SRD5A2: variants seen among roughly 807,000 people sequenced by gnomAD.
SRD5A2 encodes 3-oxo-5-alpha-steroid 4-dehydrogenase 2.
SRD5A2 carries 30 observed loss-of-function variants against 27.4 expected under a neutral mutation model. The observed-to-expected ratio is 1.10, with a 90% confidence interval of 0.82 to 1.49. The LOEUF is 1.49. Among genes scored for constraint, SRD5A2 ranks in the 40% most tolerant of loss-of-function variants. The pLI is 0.00. For synonymous variants in SRD5A2, 141 were observed against 133.6 expected (o/e 1.06, Z -0.38); for missense variants, 348 against 323.4 (o/e 1.08, Z -0.58).
At chr2:31,620,320 T>A in the SRD5A2 span, among the ~76,000 whole-genome samples, 1 of 151,976 alleles carries the variant, frequency 6.6e-6, no homozygotes, top group Non-Finnish European at 1.5e-5. Flanking sequence ...CAGCATAGTA[T>A]TGGAATTTCT....
At chr2:31,636,424 A>C in the SRD5A2 span, among the ~76,000 whole-genome samples, 1 of 152,082 alleles carries the variant, frequency 6.6e-6, no homozygotes, top group East Asian at 1.9e-4. Flanking sequence ...ATATGCCAAC[A>C]AAACAAGGCT....
At chr2:31,613,477 C>A in the SRD5A2 span, among the ~76,000 whole-genome samples, 2 of 152,118 alleles carry the variant, frequency 1.3e-5, no homozygotes, top group Non-Finnish European at 2.9e-5. Context: ...CACCTCACAT[C>A]TTTTAGAATG....
chr2:31,585,989 G>C, the SRD5A2 span, among the ~76,000 whole-genome samples: 2 of 152,128 alleles, frequency 1.3e-5, no homozygotes, highest in African/African-American at 4.8e-5. Context: ...GGGAAAGACT[G>C]TGTTTTGTGG....
At chr2:31,537,204 G>A (rs1186721554) in intron 1 of SRD5A2, among the ~76,000 whole-genome samples, 1 of 152,094 alleles carries the variant, frequency 6.6e-6, no homozygotes, top group Non-Finnish European at 1.5e-5. Flanking sequence ...AAACTCTATA[G>A]ATAAATACAA....
chr2:31,642,189 T>C, the SRD5A2 span, among the ~76,000 whole-genome samples: 1 of 152,100 alleles, frequency 6.6e-6, no homozygotes, highest in East Asian at 1.9e-4. Flanking sequence ...TAGATGTCCA[T>C]ATACCAAACA....
chr2:31,660,382 T>C, the SRD5A2 span, among the ~76,000 whole-genome samples: 1 of 152,144 alleles, frequency 6.6e-6, no homozygotes, highest in Non-Finnish European at 1.5e-5. Context: ...ATTTACCTTT[T>C]GACTCAGCAA....
In SRD5A2 at chr2:31,525,925, C is replaced by T; in HGVS notation, c.*271G>A. 2.8e-6 allele frequency: 1 copy of T among 362,044 alleles called. No individual in the cohort carries two copies. Among genetic ancestry groups the T allele is most frequent in the East Asian group, 3.9e-5 (1 of 25,708 alleles). 22.4% of individuals were successfully genotyped at this position (362,044 alleles called of 1,614,324 possible). On this transcript the variant is annotated 3_prime_UTR_variant, in exon 5 of 5. Coordinates refer to ENST00000622030, the MANE Select transcript of SRD5A2 (RefSeq NM_000348.4). ...GTGAAAGACATAGGAGAAGTTTGTA[C>T]TTTCTCAGAGCAATAGCTAAGAAGC... is the stretch of plus-strand genomic sequence containing the variant.
intron 1 of SRD5A2, among the ~76,000 whole-genome samples, chr2:31,553,504 C>T (rs1019704028): frequency 1.3e-5 from 2 of 152,042 alleles, no homozygotes; most frequent in Non-Finnish European, 2.9e-5. Context: ...AATACAGAGA[C>T]AAAGAAATTG....
intron 4 of SRD5A2, among the ~76,000 whole-genome samples, chr2:31,528,195 T>C (rs1188356545): frequency 6.6e-6 from 1 of 152,152 alleles, no homozygotes; most frequent in Non-Finnish European, 1.5e-5. Flanking sequence ...GATAGGGCAG[T>C]CCTAAGATTG....
chr2:31,553,039 T>C (rs1666412283), intron 1 of SRD5A2, among the ~76,000 whole-genome samples: 1 of 152,096 alleles, frequency 6.6e-6, no homozygotes, highest in Non-Finnish European at 1.5e-5. Flanking sequence ...ATCAGGAAAG[T>C]AATACCTGAA....
the SRD5A2 span, among the ~76,000 whole-genome samples, chr2:31,614,984 C>T: frequency 1.3e-5 from 2 of 152,212 alleles, no homozygotes; most frequent in South Asian, 4.2e-4. Flanking sequence ...AAGGGAAACC[C>T]CCTTCACTTG....
the SRD5A2 span, among the ~76,000 whole-genome samples, chr2:31,627,960 G>A: frequency 6.6e-6 from 1 of 152,070 alleles, no homozygotes; most frequent in Non-Finnish European, 1.5e-5. Context: ...TTGTTTGGGG[G>A]TGGAGAGTTC....
At chr2:31,555,107 C>A (rs111664563) in intron 1 of SRD5A2, among the ~76,000 whole-genome samples, 2 of 151,590 alleles carry the variant, frequency 1.3e-5, no homozygotes, top group South Asian at 2.1e-4. Flanking sequence ...CAAAATAACT[C>A]ACTTATTTCC....
intron 1 of SRD5A2, among the ~76,000 whole-genome samples, chr2:31,566,941 A>G (rs1419050552): frequency 6.6e-6 from 1 of 152,172 alleles, no homozygotes; most frequent in African/African-American, 2.4e-5. Context: ...ATCATGGTCA[A>G]TTTTCATTTG....
At chr2:31,550,036 C>T (rs72866102) in intron 1 of SRD5A2, among the ~76,000 whole-genome samples, 3,332 of 152,092 alleles carry the variant, frequency 0.022, 72 homozygotes, top group African/African-American at 0.05. Flanking sequence ...TAAAATTATA[C>T]AGAATATGTC....
At chr2:31,556,603 C>T (rs747719007) in intron 1 of SRD5A2, among the ~76,000 whole-genome samples, 13 of 152,100 alleles carry the variant, frequency 8.5e-5, no homozygotes, top group South Asian at 2.1e-4. Flanking sequence ...GAGATGTGAC[C>T]GCAAGCCAAG....
At chr2:31,573,135 C>T (rs538425104) in intron 1 of SRD5A2, among the ~76,000 whole-genome samples, 4 of 152,294 alleles carry the variant, frequency 2.6e-5, no homozygotes, top group African/African-American at 9.6e-5. Flanking sequence ...CAGGTCAAGT[C>T]TCCCATCTTC....
At chr2:31,560,075 T>A (rs1405324295) in intron 1 of SRD5A2, among the ~76,000 whole-genome samples, 3 of 134,390 alleles carry the variant, frequency 2.2e-5, no homozygotes, top group Admixed American at 7.7e-5. Flanking sequence ...CCCCTTTTTT[T>A]AAAAAGTCAT....
chr2:31,608,635 C>T, the SRD5A2 span, among the ~76,000 whole-genome samples: 10,068 of 151,540 alleles, frequency 0.066, 472 homozygotes, highest in Non-Finnish European at 0.098. Context: ...GAAAAGAAAA[C>T]CTGAAATGAA....
Sources: gnomAD v4.1 joint callset for allele counts (sites outside exome capture counted in the v4.1 genomes callset) on GRCh38, gnomAD v4.1.1 for gene constraint, MANE v1.5 for transcripts, NCBI Gene and HGNC (gene_info 2026-07-23, HGNC 2026-07-21) for gene names.